The following SLC25A21 variants were observed in gnomAD, a reference collection of about 807,000 sequenced individuals.
SLC25A21 encodes mitochondrial 2-oxodicarboxylate carrier.
A neutral mutation model predicts 43.8 loss-of-function variants in SLC25A21; 47 were observed. The ratio of observed to expected loss-of-function variants is 1.07; its 90% confidence interval spans 0.85 to 1.37. SLC25A21 has a LOEUF of 1.37. Among genes scored for constraint, SLC25A21 ranks in the 40% most tolerant of loss-of-function variants. The pLI, the probability that SLC25A21 is intolerant of heterozygous loss-of-function variation, is 0.00. For missense variants in SLC25A21, 352 were observed against 350.2 expected (o/e 1.00, Z -0.04); for synonymous variants, 131 against 121.3 (o/e 1.08, Z -0.52).
At chr14:36,704,194 G>A (rs950714457) in intron 7 of SLC25A21, among the ~76,000 whole-genome samples, 2 of 152,070 alleles carry the variant, frequency 1.3e-5, no homozygotes, top group African/African-American at 4.8e-5. Context: ...CTCATAATTC[G>A]GTGTTTCTAT....
intron 1 of SLC25A21, among the ~76,000 whole-genome samples, chr14:37,099,204 C>A (rs1021984813): frequency 1.3e-5 from 2 of 152,092 alleles, no homozygotes; most frequent in African/African-American, 4.8e-5. Context: ...AAATCCTTTT[C>A]TTGCACCTTC....
At chr14:37,121,348 T>C (rs924961835) in intron 1 of SLC25A21, among the ~76,000 whole-genome samples, 4 of 152,162 alleles carry the variant, frequency 2.6e-5, no homozygotes, top group Non-Finnish European at 5.9e-5. Context: ...AATTTAATAC[T>C]CCTAATCTCA....
chr14:37,170,320 C>T lies in SLC25A21; in HGVS notation c.70+1961G>A, dbSNP rs180878732. Among the ~76,000 whole-genome samples the T allele has an allele frequency of 3.9e-5, 6 of 152,338 alleles. No individual in the cohort carries two copies. The East Asian group carries it at 7.7e-4, about 20-fold the overall frequency. On this transcript the variant is annotated intron_variant, in intron 1 of 9. Coordinates refer to ENST00000331299, the MANE Select transcript of SLC25A21 (RefSeq NM_030631.4). ...AAGTCCTGGGATTACAGGCGTAAGA[C>T]ACCGTGCCTGGCCGAGTATGATCTA... is the stretch of plus-strand genomic sequence containing the variant.
chr14:36,757,334 A>G (rs1163906860), intron 3 of SLC25A21, among the ~76,000 whole-genome samples: 1 of 152,180 alleles, frequency 6.6e-6, no homozygotes, highest in Non-Finnish European at 1.5e-5. Flanking sequence ...CTCACTAGAA[A>G]CAATACAAAG....
intron 7 of SLC25A21, among the ~76,000 whole-genome samples, chr14:36,686,369 A>G (rs973487884): frequency 6.6e-6 from 1 of 152,104 alleles, no homozygotes; most frequent in Non-Finnish European, 1.5e-5. Context: ...TCTCTTTTAC[A>G]AGGAGAGAAA....
chr14:37,161,322 A>C (rs1271371229), intron 1 of SLC25A21, among the ~76,000 whole-genome samples: 1 of 152,220 alleles, frequency 6.6e-6, no homozygotes, highest in African/African-American at 2.4e-5. Flanking sequence ...GTTTCGGCAT[A>C]AAGGTAAACA....
intron 1 of SLC25A21, among the ~76,000 whole-genome samples, chr14:36,881,254 A>G (rs1034277664): frequency 6.6e-6 from 1 of 152,218 alleles, no homozygotes; most frequent in East Asian, 1.9e-4. Context: ...AAAATGTTAC[A>G]TCATCTGTGG....
chr14:36,956,090 C>T (rs541336451), intron 1 of SLC25A21, among the ~76,000 whole-genome samples: 5 of 152,144 alleles, frequency 3.3e-5, no homozygotes, highest in Admixed American at 6.5e-5. Context: ...CCACTATATA[C>T]GTATTATTTA....
chr14:37,066,494 A>G (rs1962063182), intron 1 of SLC25A21, among the ~76,000 whole-genome samples: 1 of 152,172 alleles, frequency 6.6e-6, no homozygotes, highest in East Asian at 1.9e-4. Context: ...AAAGCATTGT[A>G]CTAATACTTT....
At chr14:36,745,543 G>A (rs1400539373) in intron 3 of SLC25A21, among the ~76,000 whole-genome samples, 1 of 152,056 alleles carries the variant, frequency 6.6e-6, no homozygotes, top group African/African-American at 2.4e-5. Flanking sequence ...ATTCTAACTG[G>A]CATGAGATGG....
chr14:37,067,912 C>T (rs948258463), intron 1 of SLC25A21, among the ~76,000 whole-genome samples: 3 of 152,316 alleles, frequency 2.0e-5, no homozygotes, highest in African/African-American at 4.8e-5. Flanking sequence ...ATCTTCTTCC[C>T]GTATTCTAAG....
intron 1 of SLC25A21, among the ~76,000 whole-genome samples, chr14:37,077,421 T>C (rs1357457025): frequency 6.6e-6 from 1 of 152,170 alleles, no homozygotes; most frequent in Non-Finnish European, 1.5e-5. Context: ...ATCCCTTTAC[T>C]TGACTACCTT....
At chr14:36,956,181 A>C (rs762109081) in intron 1 of SLC25A21, among the ~76,000 whole-genome samples, 1 of 152,120 alleles carries the variant, frequency 6.6e-6, no homozygotes, top group Non-Finnish European at 1.5e-5. Flanking sequence ...CGCCATGTGC[A>C]TTTATGTGTT....
At chr14:36,990,599 A>G (rs575349307) in intron 1 of SLC25A21, among the ~76,000 whole-genome samples, 77 of 152,284 alleles carry the variant, frequency 5.1e-4, no homozygotes, top group African/African-American at 1.3e-3. Flanking sequence ...AAATCAGGCC[A>G]GGTGCGGTGG....
At chr14:37,034,949 T>C (rs1428028734) in intron 1 of SLC25A21, among the ~76,000 whole-genome samples, 1 of 152,180 alleles carries the variant, frequency 6.6e-6, no homozygotes, top group African/African-American at 2.4e-5. Context: ...CAATCATAAC[T>C]AGCTAAGGCT....
chr14:36,955,537 AT>A (rs906791130), intron 1 of SLC25A21, among the ~76,000 whole-genome samples: 1 of 151,118 alleles, frequency 6.6e-6, no homozygotes, highest in Non-Finnish European at 1.5e-5. Flanking sequence ...GGATTTTCTG[AT>A]TTTTTTTTAG....
intron 1 of SLC25A21, among the ~76,000 whole-genome samples, chr14:36,892,145 A>T (rs998081611): frequency 1.3e-5 from 2 of 152,110 alleles, no homozygotes; most frequent in East Asian, 1.9e-4. Context: ...ACCCTCACAC[A>T]CTCGCTGGGA....
chr14:36,913,983 T>C (rs1055643952), intron 1 of SLC25A21, among the ~76,000 whole-genome samples: 2 of 152,220 alleles, frequency 1.3e-5, no homozygotes, highest in African/African-American at 4.8e-5. Flanking sequence ...TGTGTGATCA[T>C]AAGTCATATA....
chr14:37,099,846 A>C (rs1962783234), intron 1 of SLC25A21, among the ~76,000 whole-genome samples: 1 of 152,066 alleles, frequency 6.6e-6, no homozygotes, highest in African/African-American at 2.4e-5. Flanking sequence ...ATGGGTGGTA[A>C]GAACCTAGGT....
Sources: gnomAD v4.1 joint callset for allele counts (sites outside exome capture counted in the v4.1 genomes callset) on GRCh38, gnomAD v4.1.1 for gene constraint, MANE v1.5 for transcripts, NCBI Gene and HGNC (gene_info 2026-07-23, HGNC 2026-07-21) for gene names.